Variants in UGGT2 observed in about 807,000 individuals in gnomAD.
UGGT2 encodes the protein UDP-glucose:glycoprotein glucosyltransferase 2.
UGGT2 carries 180 observed loss-of-function variants against 192.1 expected under a neutral mutation model. The observed-to-expected ratio is 0.94, with a 90% CI of 0.83 to 1.06. The LOEUF (loss-of-function observed/expected upper bound fraction) is 1.06, where lower values mean the gene tolerates loss of function less well. UGGT2 is among the 50% of genes least tolerant of loss of function. The pLI is 0.00. For synonymous variants in UGGT2, 580 were observed against 591.0 expected, an observed-to-expected ratio of 0.98 and a Z score of 0.27; for missense variants, 1,849 against 1,795.7, an observed-to-expected ratio of 1.03 and a Z score of -0.54.
At chr13:95,916,520 C>T (rs2048686297) in intron 20 of UGGT2, among the ~76,000 whole-genome samples, 1 of 152,168 alleles carries the variant, frequency 6.6e-6, no homozygotes, top group African/African-American at 2.4e-5. Context: ...AACACCTCTC[C>T]CCTAAGCAGA....
At chr13:96,052,996 C>T (rs992731683) in intron 1 of UGGT2, among the ~76,000 whole-genome samples, 159 bp downstream of exon 1, 6 of 152,208 alleles carry the variant, frequency 3.9e-5, no homozygotes, top group African/African-American at 1.4e-4. Context: ...GAAGCCGCCC[C>T]GGGTCGGGAA....
chr13:95,922,243 C>T (rs1412157182), intron 20 of UGGT2, among the ~76,000 whole-genome samples: 1 of 152,068 alleles, frequency 6.6e-6, no homozygotes, highest in Non-Finnish European at 1.5e-5. Flanking sequence ...TATGTGGGAG[C>T]TAAACAATGG....
At chr13:95,825,585 A>T (rs1299480440) in intron 38 of UGGT2, among the ~76,000 whole-genome samples, 2 of 152,164 alleles carry the variant, frequency 1.3e-5, no homozygotes, top group African/African-American at 4.8e-5. Context: ...GCGGCAATGC[A>T]GTCACCCTGA....
At chr13:96,031,607 C>A (rs979816385) in intron 2 of UGGT2, among the ~76,000 whole-genome samples, 1 of 152,164 alleles carries the variant, frequency 6.6e-6, no homozygotes, top group Non-Finnish European at 1.5e-5. Flanking sequence ...CAGATGCACA[C>A]CACCATGCCC....
intron 38 of UGGT2, among the ~76,000 whole-genome samples, chr13:95,818,792 G>A (rs891466230): frequency 2.0e-5 from 3 of 151,954 alleles, no homozygotes; most frequent in African/African-American, 7.3e-5. Context: ...CGTCACCTGG[G>A]ATGGCAAGAG....
chr13:95,882,253 C>G (rs1252701791), intron 27 of UGGT2, among the ~76,000 whole-genome samples: 1 of 152,186 alleles, frequency 6.6e-6, no homozygotes, highest in African/African-American at 2.4e-5. Flanking sequence ...GAAATTAATG[C>G]TGGTTGTGCA....
chr13:95,933,990 C>T (rs2049377503), intron 17 of UGGT2, among the ~76,000 whole-genome samples: 1 of 152,164 alleles, frequency 6.6e-6, no homozygotes, highest in Non-Finnish European at 1.5e-5. Context: ...GGTGATAGTT[C>T]TAAATTTTTG....
chr13:95,904,547 T>C (rs1238917302), intron 20 of UGGT2, among the ~76,000 whole-genome samples: 1 of 149,010 alleles, frequency 6.7e-6, no homozygotes, highest in African/African-American at 2.5e-5. Flanking sequence ...TATGCGGTGT[T>C]TGGTTTTTTG....
intron 15 of UGGT2, among the ~76,000 whole-genome samples, chr13:95,943,043 ATTC>A (rs1368886966): frequency 6.6e-6 from 1 of 152,094 alleles, no homozygotes. Flanking sequence ...TCACTTCTGT[ATTC>A]TTAAGTTTTG....
chr13:95,937,560 C>T (rs2049507138), intron 16 of UGGT2, among the ~76,000 whole-genome samples: 1 of 152,150 alleles, frequency 6.6e-6, no homozygotes, highest in African/African-American at 2.4e-5. Context: ...TCAATCCTGC[C>T]ACCTGCATTA....
At chr13:96,041,035 T>C (rs2053149837) in intron 1 of UGGT2, among the ~76,000 whole-genome samples, 1 of 152,224 alleles carries the variant, frequency 6.6e-6, no homozygotes, top group South Asian at 2.1e-4. Context: ...CAGAGCAGCA[T>C]GTGGAGTCTT....
chr13:95,912,865 G>C (rs1001777204), intron 20 of UGGT2, among the ~76,000 whole-genome samples: 51 of 152,284 alleles, frequency 3.3e-4, no homozygotes, highest in African/African-American at 1.1e-3. Flanking sequence ...AACCAAAACA[G>C]CATGGTACTG....
chr13:95,967,156 CTT>C (rs35913234), intron 12 of UGGT2, among the ~76,000 whole-genome samples: 11 of 140,108 alleles, frequency 7.9e-5, no homozygotes, highest in Non-Finnish European at 6.3e-5. Flanking sequence ...CAGGCATAAC[CTT>C]TTTTTTTTTT....
At chr13:95,803,555 C>A (rs139616095) in intron 38 of UGGT2, among the ~76,000 whole-genome samples, 1 of 152,150 alleles carries the variant, frequency 6.6e-6, no homozygotes, top group Admixed American at 6.5e-5. Context: ...TCACCGTGCC[C>A]GGCCGAAAAG....
intron 20 of UGGT2, among the ~76,000 whole-genome samples, chr13:95,914,766 G>A (rs1254663384): frequency 2.0e-5 from 3 of 151,330 alleles, no homozygotes; most frequent in South Asian, 2.1e-4. Context: ...CTGCATCACC[G>A]CACTCCAGCC....
chr13:95,977,785 A>G (rs781325634), intron 10 of UGGT2, among the ~76,000 whole-genome samples: 1 of 152,184 alleles, frequency 6.6e-6, no homozygotes, highest in Non-Finnish European at 1.5e-5. Context: ...AAGACTTGGA[A>G]CCAACCCAAA....
chr13:95,980,696 C>A (rs1455200322), intron 10 of UGGT2, among the ~76,000 whole-genome samples: 1 of 152,116 alleles, frequency 6.6e-6, no homozygotes, highest in Non-Finnish European at 1.5e-5. Flanking sequence ...ATGGAGCAGC[C>A]CAGCATCCAC....
At chr13:95,832,127 A>G (rs979589184) in intron 38 of UGGT2, among the ~76,000 whole-genome samples, 1 of 151,958 alleles carries the variant, frequency 6.6e-6, no homozygotes, top group Non-Finnish European at 1.5e-5. Context: ...CGGCTTCCCT[A>G]AACAGTAAAG....
intron 30 of UGGT2, among the ~76,000 whole-genome samples, chr13:95,866,459 A>G (rs1890662909): frequency 6.6e-6 from 1 of 152,164 alleles, no homozygotes; most frequent in Admixed American, 6.6e-5. Context: ...ATCTTATTCC[A>G]GAGATTTATG....
Sources: gnomAD v4.1 joint callset for allele counts (sites outside exome capture counted in the v4.1 genomes callset) on GRCh38, gnomAD v4.1.1 for gene constraint, MANE v1.5 for transcripts, NCBI Gene and HGNC (gene_info 2026-07-23, HGNC 2026-07-21) for gene names.